The following AOPEP variants were observed in gnomAD, a reference collection of about 807,000 sequenced individuals.
The protein encoded by AOPEP is aminopeptidase O.
In AOPEP, 77 loss-of-function variants were observed where a neutral mutation model predicts 98.1. The observed-to-expected ratio is 0.78, with a 90% CI of 0.65 to 0.95. The LOEUF is 0.95. Ranked by LOEUF, AOPEP falls within the 40% of genes least tolerant of loss-of-function variation. The pLI is 0.00. For missense variants in AOPEP, 1,024 were observed against 1,024.7 expected, an observed-to-expected ratio of 1.00 and a Z score of 0.01; for synonymous variants, 346 against 365.3, an observed-to-expected ratio of 0.95 and a Z score of 0.60.
At chr9:94,827,924 T>C (rs1227725182) in intron 5 of AOPEP, among the ~76,000 whole-genome samples, 2 of 152,076 alleles carry the variant, frequency 1.3e-5, no homozygotes, top group Non-Finnish European at 2.9e-5. Flanking sequence ...AAGATTCCCA[T>C]TTATAAAAAT....
At chr9:94,794,813 G>A (rs561841542) in intron 4 of AOPEP, among the ~76,000 whole-genome samples, 30 of 142,180 alleles carry the variant, frequency 2.1e-4, no homozygotes, top group Non-Finnish European at 3.2e-4. Context: ...ACAAAACAGA[G>A]GAGGCTTTGT....
At chr9:94,828,844 T>G (rs1212480671) in intron 5 of AOPEP, among the ~76,000 whole-genome samples, 1 of 147,164 alleles carries the variant, frequency 6.8e-6, no homozygotes, top group East Asian at 2.0e-4. Flanking sequence ...CTTACATAAT[T>G]TCTCACATCT....
chr9:94,918,676 GAAT>G (rs770792154), intron 5 of AOPEP, among the ~76,000 whole-genome samples: 2 of 152,124 alleles, frequency 1.3e-5, no homozygotes, highest in Non-Finnish European at 2.9e-5. Context: ...TAATGAAATT[GAAT>G]AATAGTAACA....
chr9:94,929,922 G>A (rs1482541996), intron 7 of AOPEP, among the ~76,000 whole-genome samples: 1 of 152,186 alleles, frequency 6.6e-6, no homozygotes, highest in Non-Finnish European at 1.5e-5. Flanking sequence ...TGTGCCTTAG[G>A]GACAGAAAGA....
chr9:95,092,264 G>A, the AOPEP span, among the ~76,000 whole-genome samples: 1 of 152,164 alleles, frequency 6.6e-6, no homozygotes, highest in Admixed American at 6.5e-5. Context: ...AGGACTTAAA[G>A]GGGGTGGGCC....
chr9:94,764,580 C>A (rs1388484586), intron 2 of AOPEP, among the ~76,000 whole-genome samples: 1 of 152,106 alleles, frequency 6.6e-6, no homozygotes, highest in Non-Finnish European at 1.5e-5. Context: ...CCCAGAAGGT[C>A]AAGGCTGCAG....
intron 5 of AOPEP, among the ~76,000 whole-genome samples, chr9:94,845,987 G>A (rs1185252927): frequency 6.6e-6 from 1 of 152,004 alleles, no homozygotes; most frequent in African/African-American, 2.4e-5. Flanking sequence ...CCCAGCTACT[G>A]GGGAGGCTGA....
chr9:94,970,319 C>A (rs1021950416), intron 10 of AOPEP, among the ~76,000 whole-genome samples: 11 of 152,112 alleles, frequency 7.2e-5, no homozygotes, highest in African/African-American at 2.7e-4. Context: ...GAACATTTCA[C>A]TTCCTCTCTT....
chr9:94,797,203 G>A (rs958435234), intron 4 of AOPEP, among the ~76,000 whole-genome samples: 3 of 152,212 alleles, frequency 2.0e-5, no homozygotes, highest in Admixed American at 2.0e-4. Context: ...GGAGGCCAAG[G>A]CGGGCGGATC....
At chr9:95,013,084 T>C (rs1279942811) in intron 13 of AOPEP, among the ~76,000 whole-genome samples, 1 of 151,184 alleles carries the variant, frequency 6.6e-6, no homozygotes, top group African/African-American at 2.4e-5. Flanking sequence ...CACCTAATCA[T>C]GTGTCCCTTG....
intron 1 of AOPEP, among the ~76,000 whole-genome samples, chr9:94,729,412 A>T (rs1166893280): frequency 6.6e-6 from 1 of 152,040 alleles, no homozygotes; most frequent in Admixed American, 6.6e-5. Flanking sequence ...ACTACGAAAA[A>T]TACAAAAATT....
At chr9:95,036,244 A>G (rs2064807198) in intron 13 of AOPEP, among the ~76,000 whole-genome samples, 1 of 152,144 alleles carries the variant, frequency 6.6e-6, no homozygotes, top group South Asian at 2.1e-4. Flanking sequence ...AGATTTTACC[A>G]CTGATTTCTC....
chr9:94,937,073 G>A (rs1425842037), intron 7 of AOPEP, among the ~76,000 whole-genome samples: 2 of 152,190 alleles, frequency 1.3e-5, no homozygotes, highest in Admixed American at 6.5e-5. Flanking sequence ...TTGGCCTTTG[G>A]TGGTCAACTT....
At chr9:95,087,683 C>T (rs145587639), downstream of AOPEP, among the ~76,000 whole-genome samples, 1 of 152,242 alleles carries the variant, frequency 6.6e-6, no homozygotes, top group East Asian at 1.9e-4. Flanking sequence ...CATATTCAGG[C>T]ATCGTGGGAG....
chr9:94,907,526 G>A (rs4744402), intron 5 of AOPEP, among the ~76,000 whole-genome samples: 144,719 of 152,056 alleles, frequency 0.95, 68,882 homozygotes, highest in Middle Eastern at 0.99. Flanking sequence ...TTTCCGCGGG[G>A]AAAGGTGTAA....
At chr9:95,064,405 C>T (rs1279287493) in intron 14 of AOPEP, among the ~76,000 whole-genome samples, 4 of 152,224 alleles carry the variant, frequency 2.6e-5, no homozygotes, top group Non-Finnish European at 5.9e-5. Context: ...AGCAGTTCTG[C>T]CTCAGCCTCC....
intron 13 of AOPEP, among the ~76,000 whole-genome samples, chr9:95,031,737 C>T (rs1288156303): frequency 1.3e-5 from 2 of 152,168 alleles, no homozygotes; most frequent in Admixed American, 6.5e-5. Flanking sequence ...ACATAAGCTC[C>T]CTAAGCTGCT....
Position 94,972,467 on chromosome 9 carries a change from A to C in AOPEP, c.1916+4666A>C, listed in dbSNP as rs895033304. 2.0e-5 allele frequency among the ~76,000 whole-genome samples: 3 copies of C among 152,218 alleles called. No individual in the cohort carries two copies. Among genetic ancestry groups the C allele is most frequent in the Admixed American group, 6.5e-5 (1 of 15,284 alleles). On this transcript the variant is annotated intron_variant, in intron 10 of 16. Transcript: ENST00000375315. This position sits in a 1 kb window ranked among gnomAD's most constrained non-coding sequence, Gnocchi z 4.2. ...CCTTGCTGCCTGGTGTTCCAGTGTT[A>C]GTAACAGCTGCCACTTCTTTCCTTG...
chr9:95,023,928 G>GAA (rs992006942), intron 13 of AOPEP, among the ~76,000 whole-genome samples: 9 of 152,294 alleles, frequency 5.9e-5, no homozygotes, highest in African/African-American at 2.2e-4. Context: ...TTTTTGAAAA[G>GAA]AAGTTTTTAT....
Sources: gnomAD v4.1 joint callset for allele counts (sites outside exome capture counted in the v4.1 genomes callset) on GRCh38, gnomAD v4.1.1 for gene constraint, Gnocchi (gnomAD v3.1) non-coding constraint, MANE v1.5 for transcripts, NCBI Gene and HGNC (gene_info 2026-07-23, HGNC 2026-07-21) for gene names.